KIF26B: variants seen among roughly 807,000 people sequenced by gnomAD.
KIF26B encodes the protein kinesin-like protein KIF26B.
Under a neutral mutation model 151.2 loss-of-function variants are expected in KIF26B, and 63 were observed. The ratio of observed to expected loss-of-function variants is 0.42; its 90% CI spans 0.34 to 0.51. The LOEUF (loss-of-function observed/expected upper bound fraction) is 0.51. Ranked by LOEUF, KIF26B falls within the 20% of genes least tolerant of loss-of-function variation. KIF26B has a pLI of 0.07. For missense variants in KIF26B, 2,813 were observed against 2,913.6 expected, an observed-to-expected ratio of 0.97 and a Z score of 0.79; for synonymous variants, 1,357 against 1,262.1, an observed-to-expected ratio of 1.08 and a Z score of -1.59.
chr1:245,176,928 G>A (rs1032357269), intron 2 of KIF26B, among the ~76,000 whole-genome samples: 4 of 152,190 alleles, frequency 2.6e-5, no homozygotes, highest in African/African-American at 9.7e-5. Flanking sequence ...TAGACACACA[G>A]GGGTATGGCC....
intron 2 of KIF26B, among the ~76,000 whole-genome samples, chr1:245,176,330 T>C (rs1668809078): frequency 6.6e-6 from 1 of 152,128 alleles, no homozygotes; most frequent in African/African-American, 2.4e-5. Flanking sequence ...TCAAAACATA[T>C]TTGTTTAGGG....
At chr1:245,517,510 T>C (rs892112988) in intron 4 of KIF26B, among the ~76,000 whole-genome samples, 1 of 152,108 alleles carries the variant, frequency 6.6e-6, no homozygotes, top group African/African-American at 2.4e-5. Context: ...AATATGAAAA[T>C]AGAGACCTGT....
chr1:245,256,497 CT>C (rs1248643324), intron 2 of KIF26B, among the ~76,000 whole-genome samples: 2 of 152,196 alleles, frequency 1.3e-5, no homozygotes, highest in Non-Finnish European at 2.9e-5. Context: ...GTCCTTGCCC[CT>C]GGCCAGTGCT....
intron 10 of KIF26B, among the ~76,000 whole-genome samples, chr1:245,654,522 C>G (rs1558253836): frequency 6.6e-6 from 1 of 152,162 alleles, no homozygotes; most frequent in East Asian, 1.9e-4. Flanking sequence ...ATTTCATGAG[C>G]CTTTAATAAA....
At chr1:245,238,074 C>T (rs919983752) in intron 2 of KIF26B, among the ~76,000 whole-genome samples, 17 of 146,708 alleles carry the variant, frequency 1.2e-4, no homozygotes, top group African/African-American at 3.5e-4. Flanking sequence ...GGCTCATGCC[C>T]GTAATCCCAG....
chr1:245,231,240 C>T (rs761083433), intron 2 of KIF26B, among the ~76,000 whole-genome samples: 1 of 152,106 alleles, frequency 6.6e-6, no homozygotes, highest in Non-Finnish European at 1.5e-5. Flanking sequence ...CTAGGCTGGG[C>T]GCAGTGGCTC....
chr1:245,458,482 T>G lies in KIF26B; in HGVS notation c.1166+38737T>G, dbSNP rs72762814. Among the ~76,000 whole-genome samples, 463 of 152,260 alleles carry G rather than the reference T, an allele frequency of 3.0e-3. 2 individuals are homozygous for G. Among genetic ancestry groups the G allele is most frequent in the Non-Finnish European group, 5.7e-3 (386 of 68,020 alleles). On this transcript the variant is annotated intron_variant, in intron 4 of 14. Transcript: ENST00000407071. ...CTCTAGACGCACATGGCAGCCAGGT[T>G]CTTTGCTCCCTGGCTCTCGCTGTCT...
chr1:245,696,247 G>A (rs1276770190), intron 12 of KIF26B, among the ~76,000 whole-genome samples: 1 of 152,112 alleles, frequency 6.6e-6, no homozygotes, highest in Non-Finnish European at 1.5e-5. Context: ...TGCTTTCTTG[G>A]GTCATTCCCT....
Position 245,367,767 on chromosome 1 carries a change from G to A in KIF26B, c.999+400G>A, listed in dbSNP as rs1197719487. Among the ~76,000 whole-genome samples, 1 of 152,208 alleles carries A rather than the reference G, an allele frequency of 6.6e-6. No homozygotes were observed. Among genetic ancestry groups the A allele is most frequent in the Non-Finnish European group, 1.5e-5 (1 of 68,028 alleles). ...CCCGACTTGTCCACTTATTAGCAGC[G>A]TGACTTGGCACAAGGGGTTTGCCCT... On this transcript the variant is annotated intron_variant, in intron 3 of 14. Coordinates refer to ENST00000407071, the MANE Select transcript of KIF26B (RefSeq NM_018012.4). The surrounding 1 kb of genome is among the most constrained non-coding windows in gnomAD (Gnocchi z 4.2).
intron 4 of KIF26B, among the ~76,000 whole-genome samples, chr1:245,463,434 A>G (rs1659697800): frequency 6.6e-6 from 1 of 152,120 alleles, no homozygotes; most frequent in African/African-American, 2.4e-5. Flanking sequence ...TCTCCCCTGG[A>G]TATACATCCG....
In KIF26B at chr1:245,679,617, C is replaced by T. The variant is rs190409579; in HGVS notation, c.2259-4616C>T. 2.3e-3 allele frequency among the ~76,000 whole-genome samples: 353 copies of T among 151,304 alleles called. 5 individuals are homozygous for T. Among genetic ancestry groups the T allele is most frequent in the Admixed American group, 0.019 (296 of 15,220 alleles). ...CTGAGAAGCTGGGATTATAGGCGCG[C>T]GCCACCATGCCCAGATAATTTTTGT... On this transcript the variant is annotated intron_variant, in intron 10 of 14. Transcript: ENST00000407071.
chr1:245,526,500 T>C (rs1417118088), intron 4 of KIF26B, among the ~76,000 whole-genome samples: 3 of 152,230 alleles, frequency 2.0e-5, no homozygotes, highest in Non-Finnish European at 4.4e-5. Flanking sequence ...TAATGATTTC[T>C]TCAGGTTTCA....
rs538130954 is a variant in KIF26B, at chr1:245,322,924, C to T, written c.466-43910C>T. On this transcript the variant is annotated intron_variant, in intron 2 of 14. Coordinates refer to ENST00000407071, the MANE Select transcript of KIF26B (RefSeq NM_018012.4). ...CAGCATAGTCTAGTAGAAAACACCTCTAGCTCATGGATGAACGTTTCTCCA... is the reference window on the plus strand; with the variant it reads ...CAGCATAGTCTAGTAGAAAACACCTTTAGCTCATGGATGAACGTTTCTCCA... Among the ~76,000 whole-genome samples the T allele has an allele frequency of 4.8e-4, 73 of 152,292 alleles. 1 individual carries two copies. In the Middle Eastern group the frequency reaches 0.017, roughly 35 times the overall value.
chr1:245,202,392 A>G (rs1490659137), intron 2 of KIF26B, among the ~76,000 whole-genome samples: 1 of 151,864 alleles, frequency 6.6e-6, no homozygotes, highest in Non-Finnish European at 1.5e-5. Flanking sequence ...ATCTAGGTTC[A>G]CATCCTGATC....
At chr1:245,384,494 T>C (rs1673493689) in intron 3 of KIF26B, among the ~76,000 whole-genome samples, 1 of 152,206 alleles carries the variant, frequency 6.6e-6, no homozygotes, top group Non-Finnish European at 1.5e-5. Flanking sequence ...TGATGACAGC[T>C]CATCGCAGTC....
intron 2 of KIF26B, among the ~76,000 whole-genome samples, chr1:245,220,477 C>T (rs951214722): frequency 6.6e-6 from 1 of 152,036 alleles, no homozygotes; most frequent in Non-Finnish European, 1.5e-5. Context: ...TGCTCCCTCC[C>T]CTTCCGTTTC....
intron 6 of KIF26B, among the ~76,000 whole-genome samples, chr1:245,604,799 A>T (rs1451345892): frequency 6.6e-6 from 1 of 152,214 alleles, no homozygotes; most frequent in East Asian, 1.9e-4. Context: ...TTCCAATGTT[A>T]TAATAAATTA....
chr1:245,184,524 A>G (rs557096240), intron 2 of KIF26B, among the ~76,000 whole-genome samples: 1 of 152,202 alleles, frequency 6.6e-6, no homozygotes, highest in Admixed American at 6.5e-5. Context: ...ATGTTCTTTC[A>G]TCTGCTATTT....
intron 10 of KIF26B, among the ~76,000 whole-genome samples, chr1:245,661,998 C>T (rs1266683410): frequency 1.5e-5 from 2 of 137,602 alleles, no homozygotes; most frequent in Non-Finnish European, 3.1e-5. Context: ...ATAATATGCA[C>T]ACCCAATATA....
Sources: gnomAD v4.1 joint callset for allele counts (sites outside exome capture counted in the v4.1 genomes callset) on GRCh38, gnomAD v4.1.1 for gene constraint, Gnocchi (gnomAD v3.1) non-coding constraint, MANE v1.5 for transcripts, NCBI Gene and HGNC (gene_info 2026-07-23, HGNC 2026-07-21) for gene names.